CEP120: variants seen among roughly 807,000 people sequenced by gnomAD.
The protein encoded by CEP120 is centrosomal protein 120.
A neutral mutation model predicts 126.5 loss-of-function variants in CEP120; 113 were observed. That is an observed-to-expected ratio of 0.89 (90% CI 0.77 to 1.04). The LOEUF is 1.04. Ranked by LOEUF, CEP120 falls within the 50% of genes least tolerant of loss-of-function variation. The pLI, the probability that CEP120 is intolerant of heterozygous loss-of-function variation, is 0.00. For missense variants in CEP120, 1,230 were observed against 1,155.7 expected (o/e 1.06, Z -0.93); for synonymous variants, 400 against 394.3 (o/e 1.01, Z -0.17).
rs756964035 is a variant in CEP120 at position 123,378,335 on chromosome 5, C to A, written c.2196+1G>T. ...AAAAATACAATGGACGAATGACATACCTCTGATTCCACACTAGCAAGCTGC... is the reference window on the plus strand; with the variant it reads ...AAAAATACAATGGACGAATGACATAACTCTGATTCCACACTAGCAAGCTGC... On this transcript the variant is annotated splice_donor_variant, in intron 15 of 19. Transcript: ENST00000306467. LOFTEE classifies it high-confidence loss of function. 8 of 1,590,400 alleles carry A rather than the reference C, an allele frequency of 5.0e-6. No homozygotes were observed. Among genetic ancestry groups the A allele is most frequent in the South Asian group, 4.6e-5 (4 of 86,998 alleles).
intron 16 of CEP120, among the ~76,000 whole-genome samples, 169 bp downstream of exon 16, chr5:123,377,205 G>C (rs1580673791): frequency 6.6e-6 from 1 of 152,164 alleles, no homozygotes; most frequent in African/African-American, 2.4e-5. Flanking sequence ...ATACAAAATA[G>C]TTAGAAAAAG....
At position 123,391,146 on chromosome 5, in the gene CEP120, C is replaced by T. The variant is rs753263238; in HGVS notation, c.1002G>A (p.Val334=). 2.3e-5 allele frequency: 37 copies of T among 1,614,044 alleles called. No individual in the cohort carries two copies. The highest frequency in any genetic ancestry group is 2.8e-5 in the Non-Finnish European group (33 of 1,180,020). Residue 334 remains valine (V), a synonymous_variant, in exon 7 of 20, where the codon GTG becomes GTA. Coordinates refer to ENST00000306467, the MANE Select transcript of CEP120 (RefSeq NM_001375405.1). ...IPVELAPTVG[V]SVALQREGID... ...TGCCTTCTCTCTGCAGAGCCACAGA[C>T]ACTCCCACAGTTGGGGCTAGCTCCA...
Position 123,388,469 on chromosome 5 carries a change from C to T in CEP120, c.1393G>A (p.Ala465Thr), listed in dbSNP as rs770285697. The T allele has an allele frequency of 4.4e-6, 7 of 1,588,448 alleles. No homozygotes were observed. Among genetic ancestry groups the T allele is most frequent in the Non-Finnish European group, 5.1e-6 (6 of 1,170,038 alleles). Residue 465 changes from alanine to threonine, a missense_variant, in exon 9 of 20, where the codon GCC becomes ACC. Transcript: ENST00000306467. ...TTGATTGGAAAACCAATCTCCAAGG[C>T]ATGTATACTCCTTAAGTCTATTGAA... The part of the protein sequence containing the change: ...CFSIDLRSIH[A>T]LEIGFPINCI...
chr5:123,361,843 A>G (rs1195761073), intron 18 of CEP120, among the ~76,000 whole-genome samples: 1 of 151,772 alleles, frequency 6.6e-6, no homozygotes, highest in African/African-American at 2.4e-5. Context: ...ACACTTTAAA[A>G]CCACTCATTT....
intron 4 of CEP120, among the ~76,000 whole-genome samples, chr5:123,405,888 G>A (rs1773613313): frequency 6.6e-6 from 1 of 151,998 alleles, no homozygotes; most frequent in African/African-American, 2.4e-5. Flanking sequence ...CAGGAATGTT[G>A]GAATTATCAA....
rs1341486097 is a variant in CEP120, at chr5:123,401,723, T to A, written c.464-2439A>T. 3.8e-6 allele frequency: 5 copies of A among 1,318,336 alleles called. No individual in the cohort carries two copies. The South Asian group carries it at 4.7e-5, about 12-fold the overall frequency. 81.7% of individuals were successfully genotyped at this position (1,318,336 alleles called of 1,614,324 possible). A position where few individuals can be genotyped will look rare whatever the true frequency, so the allele number is the denominator to read the frequency against. ...TTCCAGGCGAGACTCCAGCTCTACCTTGTTAATGTAAGCTTCATCCACAAT... is the reference window on the plus strand; with the variant it reads ...TTCCAGGCGAGACTCCAGCTCTACCATGTTAATGTAAGCTTCATCCACAAT... On this transcript the variant is annotated intron_variant, in intron 4 of 19. Coordinates refer to ENST00000306467, the MANE Select transcript of CEP120 (RefSeq NM_001375405.1).
At position 123,385,149 on chromosome 5, in the gene CEP120, A is replaced by G; in HGVS notation, c.1581-16T>C. On this transcript the variant is annotated splice_polypyrimidine_tract_variant and intron_variant, in intron 10 of 19. Coordinates refer to ENST00000306467, the MANE Select transcript of CEP120 (RefSeq NM_001375405.1). ...TAATGGAATCCTAAGGAAGAGAGAA[A>G]CATGTGTTCATACCTATCAACTCTG... 6.2e-7 allele frequency: 1 copy of G among 1,600,424 alleles called. No individual in the cohort carries two copies. Among genetic ancestry groups the G allele is most frequent in the South Asian group, 1.1e-5 (1 of 89,428 alleles).
rs1416889688 is a variant in CEP120, at chr5:123,416,001, G to C, written c.321+9C>G. ...CATAATCATTAGCAAAACATCAAAA[G>C]GGCAATACCTGCTTTGTTTCTTGAG... On this transcript the variant is annotated intron_variant, in intron 3 of 19. Transcript: ENST00000306467. 6.4e-7 allele frequency: 1 copy of C among 1,560,260 alleles called. No homozygotes were observed. The highest frequency in any genetic ancestry group is 8.8e-7 in the Non-Finnish European group (1 of 1,132,168).
At chr5:123,362,738 A>C (rs1311415079) in intron 18 of CEP120, among the ~76,000 whole-genome samples, 2 of 151,592 alleles carry the variant, frequency 1.3e-5, no homozygotes, top group Non-Finnish European at 3.0e-5. Context: ...TCCTAAACAT[A>C]AGAATTCCAA....
In CEP120 at chr5:123,417,895, T is replaced by C. The variant is rs114040009; in HGVS notation, c.206+464A>G. ...GGGCGAAATAAAAATAACAACTTCA[T>C]AGTGTTGTTCTGATGTTTAACTGTT... On this transcript the variant is annotated intron_variant, in intron 2 of 19. Transcript: ENST00000306467. 4.5e-3 allele frequency among the ~76,000 whole-genome samples: 678 copies of C among 152,310 alleles called. 3 individuals are homozygous for C. Among genetic ancestry groups the C allele is most frequent in the Non-Finnish European group, 6.9e-3 (468 of 68,026 alleles).
At chr5:123,348,576 T>TTTAAA (rs1232026049) in intron 19 of CEP120, among the ~76,000 whole-genome samples, 1 of 152,254 alleles carries the variant, frequency 6.6e-6, no homozygotes, top group African/African-American at 2.4e-5. Context: ...TCAATTATCT[T>TTTAAA]TTAAATATAG....
rs1265052926 is a variant in CEP120, at chr5:123,388,499, A to C, written c.1363T>G (p.Cys455Gly). Residue 455 changes from cysteine (C) to glycine (G), a missense_variant, in exon 9 of 20, where the codon TGC becomes GGC. By Grantham distance (159) the Cys-to-Gly change is radical (BLOSUM62 -3). Transcript: ENST00000306467. ...IAVPATSHHFCFSIDLRSIHA... is the reference protein window; with the variant it reads ...IAVPATSHHFGFSIDLRSIHA... ...ATACTCCTTAAGTCTATTGAAAAGC[A>C]AAAATGATGTGATGTTGCTGGTACA... 6.2e-7 allele frequency: 1 copy of C among 1,609,860 alleles called. No homozygotes were observed. The highest frequency in any genetic ancestry group is 1.1e-5 in the South Asian group (1 of 90,258).
At chr5:123,369,153 C>CT (rs777188524) in intron 17 of CEP120, among the ~76,000 whole-genome samples, 60 of 151,788 alleles carry the variant, frequency 4.0e-4, no homozygotes, top group Admixed American at 1.4e-3. Flanking sequence ...AATTTTTTTC[C>CT]TTAATGTAAA....
At chr5:123,417,277 T>TA (rs1774446572) in intron 2 of CEP120, among the ~76,000 whole-genome samples, 1 of 150,182 alleles carries the variant, frequency 6.7e-6, no homozygotes, top group African/African-American at 2.5e-5. Context: ...CAGAGGTAAA[T>TA]AGAGTTTTCC....
chr5:123,351,658 A>G (rs1023789590), intron 18 of CEP120, among the ~76,000 whole-genome samples: 9 of 152,158 alleles, frequency 5.9e-5, no homozygotes, highest in African/African-American at 2.2e-4. Context: ...ATAATGAGAT[A>G]TCTTGGGGAT....
At chr5:123,421,026 G>C (rs1340978820) in intron 1 of CEP120, among the ~76,000 whole-genome samples, 1 of 152,086 alleles carries the variant, frequency 6.6e-6, no homozygotes, top group Non-Finnish European at 1.5e-5. Context: ...TATGTTTGTG[G>C]AAACAACCTA....
At chr5:123,365,559 T>G (rs529451314) in intron 17 of CEP120, among the ~76,000 whole-genome samples, 20 of 151,870 alleles carry the variant, frequency 1.3e-4, no homozygotes, top group African/African-American at 4.6e-4. Context: ...GAACATCTTC[T>G]GCAGTAATAT....
intron 13 of CEP120, 63 bp from the exon 14 acceptor site, chr5:123,382,263 T>G: frequency 2.0e-6 from 2 of 977,492 alleles, no homozygotes; most frequent in South Asian, 3.0e-5. Context: ...AATGAATCAG[T>G]TGTCAGTTAA....
intron 4 of CEP120, 73 bp downstream of exon 4, chr5:123,412,326 C>CAT: frequency 1.4e-6 from 2 of 1,464,538 alleles, no homozygotes; most frequent in Non-Finnish European, 1.8e-6. Context: ...GTCCCTATAA[C>CAT]ACTCCCGCTT....
Sources: allele counts gnomAD v4.1 joint callset (sites outside exome capture counted in the v4.1 genomes callset), GRCh38; gene constraint gnomAD v4.1.1; transcripts MANE v1.5; gene names NCBI Gene and HGNC (gene_info 2026-07-23, HGNC 2026-07-21).